The following DLG1 variants were observed in gnomAD, a reference collection of about 807,000 sequenced individuals.
DLG1 encodes disks large homolog 1.
A neutral mutation model predicts 123.4 loss-of-function variants in DLG1; 42 were observed. The observed-to-expected ratio is 0.34, with a 90% CI of 0.27 to 0.44. The LOEUF (loss-of-function observed/expected upper bound fraction) is 0.44, where lower values mean the gene tolerates loss of function less well. Among genes scored for constraint, DLG1 ranks in the 20% least tolerant of loss-of-function variants. The pLI, the probability that DLG1 is intolerant of heterozygous loss-of-function variation, is 1.00. For synonymous variants in DLG1, 317 were observed against 356.2 expected (o/e 0.89, Z 1.24); for missense variants, 942 against 1,082.6 (o/e 0.87, Z 1.82).
chr3:197,078,774 G>C (rs1182014400), intron 17 of DLG1, among the ~76,000 whole-genome samples: 1 of 152,138 alleles, frequency 6.6e-6, no homozygotes, highest in Non-Finnish European at 1.5e-5. Flanking sequence ...CAATGGTTTT[G>C]AATTTAGCAA....
Position 197,297,412 on chromosome 3 carries a change from T to C in DLG1, c.-31-177A>G, listed in dbSNP as rs1777980799. Reference sequence around the variant, plus strand: ...GTCTGTCAACGTGGAAAGCTTTTCCTTGGAGTGGGTACCCCTCCAAATTAA... The same window carrying C: ...GTCTGTCAACGTGGAAAGCTTTTCCCTGGAGTGGGTACCCCTCCAAATTAA... On this transcript the variant is annotated intron_variant, in intron 1 of 24. Transcript: ENST00000667157. The C allele has an allele frequency of 2.2e-5, 32 of 1,425,408 alleles. 1 individual carries two copies. In the South Asian group the frequency reaches 4.7e-4, roughly 21 times the overall value. 88.3% of individuals were successfully genotyped at this position (1,425,408 alleles called of 1,614,324 possible).
At chr3:197,227,309 G>C (rs1299670341) in intron 4 of DLG1, among the ~76,000 whole-genome samples, 2 of 151,800 alleles carry the variant, frequency 1.3e-5, no homozygotes, top group African/African-American at 4.8e-5. Context: ...CCTGTCTCTA[G>C]TAAAAACACA....
chr3:197,145,297 C>T (rs1187610345), intron 6 of DLG1, among the ~76,000 whole-genome samples: 2 of 152,134 alleles, frequency 1.3e-5, no homozygotes, highest in African/African-American at 4.8e-5. Context: ...CAGTCTTTAT[C>T]GAATAAGCAG....
At chr3:197,112,543 G>A (rs1179935088) in intron 13 of DLG1, among the ~76,000 whole-genome samples, 1 of 152,056 alleles carries the variant, frequency 6.6e-6, no homozygotes. Flanking sequence ...TCATGTATGT[G>A]CTGAGAATAT....
intron 23 of DLG1, among the ~76,000 whole-genome samples, chr3:197,056,167 TAGTA>T (rs913120000): frequency 2.6e-5 from 4 of 152,046 alleles, no homozygotes; most frequent in Admixed American, 2.6e-4. Flanking sequence ...AGATCCGAAA[TAGTA>T]ACATCAGACA....
chr3:197,185,289 T>C (rs1715192042), intron 5 of DLG1, among the ~76,000 whole-genome samples: 1 of 152,166 alleles, frequency 6.6e-6, no homozygotes, highest in African/African-American at 2.4e-5. Context: ...CAAACTACAA[T>C]GTTGAGGTCC....
chr3:197,255,735 T>C (rs1756537244), intron 4 of DLG1, among the ~76,000 whole-genome samples: 1 of 151,452 alleles, frequency 6.6e-6, no homozygotes, highest in Non-Finnish European at 1.5e-5. Flanking sequence ...CATGATTCCA[T>C]TTATATGACG....
In DLG1 at chr3:197,043,059, A is replaced by AAAC; in HGVS notation, c.*1561_*1563dup. 6.6e-6 allele frequency: 1 copy of AAAC among 152,352 alleles called. No homozygotes were observed. The highest frequency in any genetic ancestry group is 1.9e-4 in the East Asian group (1 of 5,194). The allele number at this position is 152,352 out of a possible 1,614,324, so 9.4% of individuals were successfully genotyped here. ...AGGTTGTCAAAAACACATATTTAAT[A>AAAC]AACAACTCCAAAGAGCAATGGGAAG... On this transcript the variant is annotated 3_prime_UTR_variant, in exon 25 of 25. Transcript: ENST00000667157.
At chr3:197,264,990 C>T (rs564125808) in intron 4 of DLG1, among the ~76,000 whole-genome samples, 1 of 152,204 alleles carries the variant, frequency 6.6e-6, no homozygotes, top group Admixed American at 6.5e-5. Context: ...AAAAAGCTTG[C>T]ATAGATCTAA....
chr3:197,089,674 A>C (rs1377831424), intron 15 of DLG1, among the ~76,000 whole-genome samples: 1 of 152,128 alleles, frequency 6.6e-6, no homozygotes, highest in Non-Finnish European at 1.5e-5. Context: ...TACAAATAAA[A>C]GGCAACACCT....
intron 4 of DLG1, among the ~76,000 whole-genome samples, chr3:197,197,549 A>G (rs985512005): frequency 1.3e-5 from 2 of 152,234 alleles, no homozygotes; most frequent in Non-Finnish European, 2.9e-5. Context: ...GCTCCCTGCC[A>G]TCTCCTAAGG....
At chr3:197,245,343 A>C (rs1414061881) in intron 4 of DLG1, among the ~76,000 whole-genome samples, 1 of 152,152 alleles carries the variant, frequency 6.6e-6, no homozygotes, top group Non-Finnish European at 1.5e-5. Flanking sequence ...GCATTTACCC[A>C]GTGAGTAAGG....
At chr3:197,273,386 C>T (rs538596842) in intron 4 of DLG1, among the ~76,000 whole-genome samples, 10 of 151,786 alleles carry the variant, frequency 6.6e-5, no homozygotes, top group African/African-American at 2.2e-4. Flanking sequence ...TACAGGTGCC[C>T]GCCACAACAA....
At chr3:197,228,924 G>T (rs538548675) in intron 4 of DLG1, among the ~76,000 whole-genome samples, 5 of 152,216 alleles carry the variant, frequency 3.3e-5, no homozygotes, top group African/African-American at 4.8e-5. Context: ...GGAAAAAGAG[G>T]CAAAAAAATT....
chr3:197,242,555 A>T (rs1561640683), intron 4 of DLG1, among the ~76,000 whole-genome samples: 1 of 150,400 alleles, frequency 6.6e-6, no homozygotes, highest in East Asian at 1.9e-4. Flanking sequence ...GTCTGAACAA[A>T]TAAAAAAAAA....
intron 4 of DLG1, among the ~76,000 whole-genome samples, chr3:197,242,583 A>G (rs370897150): frequency 2.0e-5 from 3 of 152,196 alleles, no homozygotes; most frequent in East Asian, 1.9e-4. Context: ...ATCATATCAA[A>G]TATCTTTTCT....
chr3:197,211,619 G>A, intron 4 of DLG1, among the ~76,000 whole-genome samples: 1 of 146,696 alleles, frequency 6.8e-6, no homozygotes, highest in East Asian at 2.0e-4. Flanking sequence ...ATGCTGGTGA[G>A]GTTATGGAGA....
intron 19 of DLG1, among the ~76,000 whole-genome samples, chr3:197,068,976 A>G (rs1297418033): frequency 6.6e-6 from 1 of 150,990 alleles, no homozygotes; most frequent in East Asian, 2.0e-4. Context: ...AAATACATAT[A>G]CATATACATA....
intron 1 of DLG1, chr3:197,298,203 C>A (rs894944064): frequency 3.5e-6 from 1 of 288,092 alleles, no homozygotes; most frequent in Non-Finnish European, 6.4e-6. Context: ...GGAGGCGGCT[C>A]GCGCCGAGCC....
Sources: allele counts gnomAD v4.1 joint callset (sites outside exome capture counted in the v4.1 genomes callset), GRCh38; gene constraint gnomAD v4.1.1; transcripts MANE v1.5; gene names NCBI Gene and HGNC (gene_info 2026-07-23, HGNC 2026-07-21).